TRPM7: variants seen among roughly 807,000 people sequenced by gnomAD.
TRPM7 encodes the protein LTRPC ion channel family member 7.
A neutral mutation model predicts 229.7 loss-of-function variants in TRPM7; 134 were observed. The observed-to-expected ratio is 0.58, with a 90% confidence interval of 0.51 to 0.67. TRPM7 has a LOEUF of 0.67. Among genes scored for constraint, TRPM7 ranks in the 30% least tolerant of loss-of-function variants. The pLI is 0.00. For synonymous variants in TRPM7, 699 were observed against 715.2 expected (o/e 0.98, Z 0.36); for missense variants, 1,901 against 2,210.0 (o/e 0.86, Z 2.80).
chr15:50,617,916 AC>A (rs1346507892), intron 13 of TRPM7, among the ~76,000 whole-genome samples: 1 of 152,068 alleles, frequency 6.6e-6, no homozygotes, highest in Non-Finnish European at 1.5e-5. Context: ...ACCTCAGACT[AC>A]CAAAGTGCTG....
intron 1 of TRPM7, among the ~76,000 whole-genome samples, chr15:50,685,759 C>G (rs1444998046): frequency 1.3e-5 from 2 of 152,138 alleles, no homozygotes; most frequent in African/African-American, 2.4e-5. Flanking sequence ...AAAGCTCTAT[C>G]GGAAGCTGCA....
chr15:50,567,845 T>C (rs974866313), intron 38 of TRPM7, among the ~76,000 whole-genome samples: 21 of 151,750 alleles, frequency 1.4e-4, no homozygotes, highest in African/African-American at 4.8e-4. Flanking sequence ...TCCCAGCACT[T>C]TGGGAGGCCG....
At chr15:50,615,160 T>C (rs1439449311) in intron 13 of TRPM7, among the ~76,000 whole-genome samples, 1 of 78,512 alleles carries the variant, frequency 1.3e-5, no homozygotes, top group Non-Finnish European at 2.2e-5. Flanking sequence ...CGAGACTTTG[T>C]CTCAAAAAAA....
chr15:50,591,832 G>A lies in TRPM7; in HGVS notation c.4324+79C>T, dbSNP rs556070961. ...ATACTCTATGAAAAGATAATGACTT[G>A]TAACAGTACATATTTCTATTATTTC... On this transcript the variant is annotated intron_variant, in intron 26 of 38. Coordinates refer to ENST00000646667, the MANE Select transcript of TRPM7 (RefSeq NM_017672.6). 211 of 1,033,350 alleles carry A rather than the reference G, an allele frequency of 2.0e-4. No homozygotes were observed. In the African/African-American group the frequency reaches 3.1e-3, roughly 15 times the overall value. 64.0% of individuals were successfully genotyped at this position (1,033,350 alleles called of 1,614,324 possible). A position where few individuals can be genotyped will look rare whatever the true frequency, so the allele number is the denominator to read the frequency against.
chr15:50,577,454 G>A (rs564465682), intron 31 of TRPM7, among the ~76,000 whole-genome samples: 4 of 152,228 alleles, frequency 2.6e-5, no homozygotes, highest in African/African-American at 9.6e-5. Flanking sequence ...GGCTGAGGCA[G>A]GAGAACTGCT....
chr15:50,584,513 G>A lies in TRPM7; in HGVS notation c.4487-1354C>T, dbSNP rs1010560936. 2.6e-5 allele frequency among the ~76,000 whole-genome samples: 4 copies of A among 152,024 alleles called. No individual in the cohort carries two copies. In the South Asian group the frequency reaches 6.2e-4, roughly 24 times the overall value. ...TCTTTAGTGGAAGGTCAACAGATAC[G>A]GCCTAAAACTGAAATATGAGGATGC... On this transcript the variant is annotated intron_variant, in intron 28 of 38. Transcript: ENST00000646667.
intron 22 of TRPM7, among the ~76,000 whole-genome samples, 169 bp downstream of exon 22, chr15:50,598,953 T>G (rs138393511): frequency 6.3e-4 from 96 of 152,344 alleles, no homozygotes; most frequent in Non-Finnish European, 5.4e-4. Flanking sequence ...TAAAATATTT[T>G]TTCTTCCAAT....
intron 13 of TRPM7, among the ~76,000 whole-genome samples, 173 bp from the exon 14 acceptor site, chr15:50,614,436 G>A (rs569913526): frequency 1.7e-4 from 26 of 152,206 alleles, no homozygotes; most frequent in Admixed American, 9.2e-4. Flanking sequence ...AGGCCAAGGC[G>A]GGTGCATCAC....
chr15:50,673,063 TTA>T (rs200053007), intron 1 of TRPM7, among the ~76,000 whole-genome samples: 1 of 151,204 alleles, frequency 6.6e-6, no homozygotes, highest in African/African-American at 2.4e-5. Context: ...TAAGCTAGCG[TTA>T]ATTTATTATT....
chr15:50,599,234 G>A lies in TRPM7; in HGVS notation c.3051C>T (p.Pro1017=), dbSNP rs1309259185. Reference sequence around the variant, plus strand: ...CATGAGGATAAAGTATTGCCTTTCTGGGAACACCAAAACTAAGTAATACAA... The same window carrying A: ...CATGAGGATAAAGTATTGCCTTTCTAGGAACACCAAAACTAAGTAATACAA... ...MALVLLSFGV[P]RKAILYPHEA... The change falls in exon 22 of 39, where the codon CCC becomes CCT. Residue 1017 remains proline (P), a synonymous_variant. Coordinates refer to ENST00000646667, the MANE Select transcript of TRPM7 (RefSeq NM_017672.6). The A allele has an allele frequency of 6.2e-7, 1 of 1,612,864 alleles. No homozygotes were observed. Among genetic ancestry groups the A allele is most frequent in the Non-Finnish European group, 8.5e-7 (1 of 1,179,306 alleles).
intron 25 of TRPM7, 136 bp downstream of exon 25, chr15:50,593,481 T>C: frequency 1.1e-6 from 1 of 936,692 alleles, no homozygotes; most frequent in Non-Finnish European, 1.6e-6. Flanking sequence ...CTGAACGATC[T>C]TTCCAATACA....
chr15:50,639,546 C>T lies in TRPM7; in HGVS notation c.538G>A (p.Val180Met). The change falls in exon 6 of 39, where the codon GTG becomes ATG. Residue 180 changes from valine (V) to methionine (M), a missense_variant and splice_region_variant. Val to Met is a conservative substitution (Grantham distance 21). Transcript: ENST00000646667. ...WILTGGVNTG[V>M]AKHVGDALKE... ...AGGGCATCTCCAACATGTTTTGCCA[C>T]ACCTGTTCATAAAAAAAGTTTATTC... 1 of 1,600,400 alleles carries T rather than the reference C, an allele frequency of 6.2e-7. No homozygotes were observed. The highest frequency in any genetic ancestry group is 8.5e-7 in the Non-Finnish European group (1 of 1,175,004).
At chr15:50,671,269 T>C (rs968755266) in intron 1 of TRPM7, among the ~76,000 whole-genome samples, 3 of 152,100 alleles carry the variant, frequency 2.0e-5, no homozygotes, top group Non-Finnish European at 4.4e-5. Flanking sequence ...TTTTATCAGT[T>C]CAATTTTTTA....
Position 50,682,732 on chromosome 15 carries a change from T to G in TRPM7, c.3+3799A>C, listed in dbSNP as rs145479463. ...CCAATTCTCCAAGTCAAACACTGTA[T>G]TCACATTCAACTAATCTAATAATTG... On this transcript the variant is annotated intron_variant, in intron 1 of 38. Coordinates refer to ENST00000646667, the MANE Select transcript of TRPM7 (RefSeq NM_017672.6). Among the ~76,000 whole-genome samples the G allele has an allele frequency of 4.0e-3, 602 of 152,302 alleles. 3 individuals carry two copies. Among genetic ancestry groups the G allele is most frequent in the African/African-American group, 0.014 (574 of 41,552 alleles).
At chr15:50,659,426 C>CA (rs1183845256) in intron 2 of TRPM7, among the ~76,000 whole-genome samples, 1 of 152,130 alleles carries the variant, frequency 6.6e-6, no homozygotes, top group Non-Finnish European at 1.5e-5. Context: ...TCACTTACAG[C>CA]ATTTGGTACC....
Position 50,609,513 on chromosome 15 carries a change from T to C in TRPM7, c.2580+68A>G, listed in dbSNP as rs1001227736. 6.9e-6 allele frequency: 10 copies of C among 1,441,166 alleles called. No individual in the cohort carries two copies. In the African/African-American group the frequency reaches 1.3e-4, roughly 19 times the overall value. 89.3% of individuals were successfully genotyped at this position (1,441,166 alleles called of 1,614,324 possible). ...TAAGTTATATCAACATTAGTATGGA[T>C]TCCGAACCAATGGTCCCCCAAAGCC... On this transcript the variant is annotated intron_variant, in intron 19 of 38. Coordinates refer to ENST00000646667, the MANE Select transcript of TRPM7 (RefSeq NM_017672.6).
At chr15:50,682,251 A>G (rs7177733) in intron 1 of TRPM7, among the ~76,000 whole-genome samples, 1 of 151,170 alleles carries the variant, frequency 6.6e-6, no homozygotes, top group Admixed American at 6.6e-5. Context: ...ACTTCAAAAA[A>G]CTGCTTACCT....
Position 50,599,129 on chromosome 15 carries a change from T to TA in TRPM7, c.3155_3156insT (p.Glu1052AspfsTer3), listed in dbSNP as rs758811257. On this transcript the variant is annotated frameshift_variant, in exon 22 of 39. Transcript: ENST00000646667. LOFTEE classifies it high-confidence loss of function. ...TAAATATACAATTCTTACCATCAAT[T>TA]TCGTATGCATAAACTTCACCAAAAA... The TA allele has an allele frequency of 6.3e-7, 1 of 1,596,296 alleles. No homozygotes were observed. The highest frequency in any genetic ancestry group is 8.5e-7 in the Non-Finnish European group (1 of 1,172,634).
chr15:50,638,345 C>T (rs1185285645), intron 6 of TRPM7, among the ~76,000 whole-genome samples: 4 of 97,758 alleles, frequency 4.1e-5, no homozygotes, highest in African/African-American at 8.4e-5. Context: ...GGCGACAGAG[C>T]GAGACTCCGT....
Sources: allele counts gnomAD v4.1 joint callset (sites outside exome capture counted in the v4.1 genomes callset), GRCh38; gene constraint gnomAD v4.1.1; transcripts MANE v1.5; gene names NCBI Gene and HGNC (gene_info 2026-07-23, HGNC 2026-07-21).